Variants in LMOD1 observed in about 807,000 individuals in gnomAD.
LMOD1 encodes leiomodin 1, also known as leiomodin-1.
LMOD1 carries 8 observed loss-of-function variants against 36.5 expected under a neutral mutation model. That is an observed-to-expected ratio of 0.22 (90% CI 0.13 to 0.40). LMOD1 has a LOEUF of 0.40. LMOD1 is among the 10% of genes least tolerant of loss of function. LMOD1 has a pLI of 1.00. For synonymous variants in LMOD1, 284 were observed against 288.7 expected (o/e 0.98, Z 0.17); for missense variants, 630 against 751.1 (o/e 0.84, Z 1.88).
intron 1 of LMOD1, among the ~76,000 whole-genome samples, chr1:201,945,163 C>A (rs903117643): frequency 1.3e-5 from 2 of 152,136 alleles, no homozygotes; most frequent in African/African-American, 4.8e-5. Flanking sequence ...CATACTTCAT[C>A]GGAGGCTAGT....
chr1:201,912,278 C>T (rs1681507984), intron 1 of LMOD1, among the ~76,000 whole-genome samples: 1 of 152,194 alleles, frequency 6.6e-6, no homozygotes, highest in African/African-American at 2.4e-5. Flanking sequence ...CATTGCTCCA[C>T]CCCATTTTTA....
chr1:201,928,558 G>A (rs1356155115), intron 1 of LMOD1, among the ~76,000 whole-genome samples: 2 of 152,176 alleles, frequency 1.3e-5, no homozygotes, highest in Non-Finnish European at 2.9e-5. Flanking sequence ...GTGATCCAAA[G>A]GGAAATCTGC....
chr1:201,927,974 G>A (rs935079689), intron 1 of LMOD1, among the ~76,000 whole-genome samples: 3 of 152,166 alleles, frequency 2.0e-5, no homozygotes, highest in African/African-American at 4.8e-5. Context: ...GGGTCATGGG[G>A]GCACTGCTCT....
At chr1:201,923,932 A>G (rs1030347545) in intron 1 of LMOD1, among the ~76,000 whole-genome samples, 1 of 144,390 alleles carries the variant, frequency 6.9e-6, no homozygotes, top group African/African-American at 2.5e-5. Flanking sequence ...AGAGAGAGAG[A>G]AAGAAAGAAA....
At position 201,939,760 on chromosome 1, in the gene LMOD1, C is replaced by CTGTGTG. The variant is rs56135181; in HGVS notation, c.261+6314_261+6319dup. ...GCTGTGTGTTGTTCCTCTGCTCCTGCTGTGTGTGTGTGTGTGTGTGTGTGT... is the reference window on the plus strand; with the variant it reads ...GCTGTGTGTTGTTCCTCTGCTCCTGCTGTGTGTGTGTGTGTGTGTGTGTGTGTGTGT... On this transcript the variant is annotated intron_variant, in intron 1 of 2. Coordinates refer to ENST00000367288, the MANE Select transcript of LMOD1 (RefSeq NM_012134.3). 1.7e-3 allele frequency among the ~76,000 whole-genome samples: 255 copies of CTGTGTG among 149,274 alleles called. 1 individual carries two copies. The highest frequency in any genetic ancestry group is 2.7e-3 in the Non-Finnish European group (183 of 67,244).
rs760439534 is a variant in LMOD1 at position 201,897,479 on chromosome 1, T to C, written c.*893A>G. ...CAGTGGAGAGTCTTCTGCTTAGAGT[T>C]CAGATTTTCCTCCATGCTGCACTTT... is the stretch of plus-strand genomic sequence containing the variant. On this transcript the variant is annotated 3_prime_UTR_variant, in exon 3 of 3. Coordinates refer to ENST00000367288, the MANE Select transcript of LMOD1 (RefSeq NM_012134.3). 2 of 152,816 alleles carry C rather than the reference T, an allele frequency of 1.3e-5. No individual in the cohort carries two copies. Among genetic ancestry groups the C allele is most frequent in the Non-Finnish European group, 1.5e-5 (1 of 68,238 alleles). The allele number at this position is 152,816 out of a possible 1,614,324, so 9.5% of individuals were successfully genotyped here. A position where few individuals can be genotyped will look rare whatever the true frequency, so the allele number is the denominator to read the frequency against.
intron 1 of LMOD1, among the ~76,000 whole-genome samples, chr1:201,912,788 G>A (rs1198696146): frequency 1.3e-5 from 2 of 152,138 alleles, no homozygotes; most frequent in Admixed American, 6.5e-5. Flanking sequence ...GAACCCGGGA[G>A]GCAGAGGTTG....
At chr1:201,910,511 T>C (rs144734527) in intron 1 of LMOD1, among the ~76,000 whole-genome samples, 1 of 152,234 alleles carries the variant, frequency 6.6e-6, no homozygotes, top group African/African-American at 2.4e-5. Context: ...CTCGAACTCC[T>C]GTGCTCAAGC....
chr1:201,946,297 G>T lies in LMOD1; in HGVS notation c.44C>A (p.Pro15His), dbSNP rs746739132. 9.3e-6 allele frequency: 15 copies of T among 1,613,994 alleles called. No individual in the cohort carries two copies. In the East Asian group the frequency reaches 3.3e-4, roughly 36 times the overall value. ...GGTCTCCAGCAGGCTGTCGATGTCG[G>T]GGTCTTCACTCACCTGCCGGCGATA... ...AKYRRQVSEDPDIDSLLETLS... is the reference protein window; with the variant it reads ...AKYRRQVSEDHDIDSLLETLS... Residue 15 changes from proline to histidine, a missense_variant, in exon 1 of 3, where the codon CCC becomes CAC. Pro to His is a moderately conservative substitution (Grantham distance 77). Transcript: ENST00000367288.
intron 1 of LMOD1, among the ~76,000 whole-genome samples, chr1:201,921,881 A>C (rs142995363): frequency 0.012 from 1,823 of 150,834 alleles, 39 homozygotes; most frequent in African/African-American, 0.04. Flanking sequence ...AATGGCGTGA[A>C]CCCGGGAGGC....
chr1:201,931,466 C>A (rs139423716), intron 1 of LMOD1, among the ~76,000 whole-genome samples: 308 of 143,502 alleles, frequency 2.1e-3, no homozygotes, highest in African/African-American at 7.7e-3. Context: ...CCCCAGGAAG[C>A]AGAGGAGGTT....
chr1:201,914,964 C>T (rs1376214382), intron 1 of LMOD1, among the ~76,000 whole-genome samples: 3 of 152,160 alleles, frequency 2.0e-5, no homozygotes, highest in Non-Finnish European at 4.4e-5. Flanking sequence ...AAGAGCTCTA[C>T]TTTTTGATCC....
At chr1:201,944,388 T>C (rs2102934198) in intron 1 of LMOD1, among the ~76,000 whole-genome samples, 1 of 152,310 alleles carries the variant, frequency 6.6e-6, no homozygotes, top group South Asian at 2.1e-4. Context: ...AGGAGTACCT[T>C]TCTGAGCACT....
chr1:201,906,040 C>T (rs550105047), intron 1 of LMOD1, among the ~76,000 whole-genome samples: 65 of 152,298 alleles, frequency 4.3e-4, no homozygotes, highest in African/African-American at 1.5e-3. Context: ...TGGAGGCATC[C>T]GGAATGCCCC....
chr1:201,909,694 A>G (rs1161318433), intron 1 of LMOD1, among the ~76,000 whole-genome samples: 3 of 152,220 alleles, frequency 2.0e-5, no homozygotes, highest in Non-Finnish European at 4.4e-5. Context: ...CTTCTCCAGC[A>G]TAACAGTAGC....
intron 1 of LMOD1, among the ~76,000 whole-genome samples, chr1:201,922,092 TAA>T (rs1681715965): frequency 1.3e-5 from 2 of 152,214 alleles, no homozygotes; most frequent in Admixed American, 6.5e-5. Flanking sequence ...CAGACAATAA[TAA>T]GTGTGGACAA....
chr1:201,942,081 C>T (rs1043509699), intron 1 of LMOD1, among the ~76,000 whole-genome samples: 9 of 152,268 alleles, frequency 5.9e-5, no homozygotes, highest in Middle Eastern at 3.4e-3. Flanking sequence ...ATGATTAGGG[C>T]GGAGCTACAC....
chr1:201,900,207 T>C lies in LMOD1; in HGVS notation c.806A>G (p.Glu269Gly). Residue 269 changes from glutamate to glycine, a missense_variant, in exon 2 of 3, where the codon GAA becomes GGA. Glu to Gly is a moderately conservative substitution (Grantham distance 98). Coordinates refer to ENST00000367288, the MANE Select transcript of LMOD1 (RefSeq NM_012134.3). ...TAAGGGTTCATTCTTCTTGACTTTT[T>C]CATCGTCCTTTTTGGTGTCTGTGTT... ...TGNTDTKKDD[E>G]KVKKNEPLHE... 6.2e-7 allele frequency: 1 copy of C among 1,614,000 alleles called. No homozygotes were observed. Among genetic ancestry groups the C allele is most frequent in the Non-Finnish European group, 8.5e-7 (1 of 1,179,886 alleles).
At chr1:201,933,531 CTATATATATAATACA>C (rs1177041690) in intron 1 of LMOD1, among the ~76,000 whole-genome samples, 1,846 of 107,462 alleles carry the variant, frequency 0.017, 18 homozygotes, top group East Asian at 0.027. Flanking sequence ...CTCTCTCTCT[CTATATATATAATACA>C]TATATATATA....
Sources: allele counts gnomAD v4.1 joint callset (sites outside exome capture counted in the v4.1 genomes callset), GRCh38; gene constraint gnomAD v4.1.1; transcripts MANE v1.5; gene names NCBI Gene and HGNC (gene_info 2026-07-23, HGNC 2026-07-21).